The following GPC5 variants were observed in gnomAD, a reference collection of about 807,000 sequenced individuals.
GPC5 encodes glypican 5.
In GPC5, 47 loss-of-function variants were observed where a neutral mutation model predicts 53.9. The observed-to-expected ratio is 0.87, with a 90% CI of 0.69 to 1.11. GPC5 has a LOEUF of 1.11. Ranked by LOEUF, GPC5 falls within the 50% of genes most tolerant of loss-of-function variation. The pLI, the probability that GPC5 is intolerant of heterozygous loss-of-function variation, is 0.00. For synonymous variants in GPC5, 286 were observed against 263.3 expected, an observed-to-expected ratio of 1.09 and a Z score of -0.84; for missense variants, 748 against 713.1, an observed-to-expected ratio of 1.05 and a Z score of -0.56.
At chr13:92,764,240 A>C (rs1875303457) in intron 7 of GPC5, among the ~76,000 whole-genome samples, 1 of 152,246 alleles carries the variant, frequency 6.6e-6, no homozygotes, top group South Asian at 2.1e-4. Context: ...AGGGCATAGT[A>C]GCAGACTGGC....
At chr13:91,866,949 C>T (rs1164603167) in intron 5 of GPC5, among the ~76,000 whole-genome samples, 1 of 152,168 alleles carries the variant, frequency 6.6e-6, no homozygotes, top group African/African-American at 2.4e-5. Flanking sequence ...GACGTGGTGG[C>T]TCAGGCCTGT....
At chr13:91,954,757 A>T (rs920163814) in intron 6 of GPC5, among the ~76,000 whole-genome samples, 1 of 152,086 alleles carries the variant, frequency 6.6e-6, no homozygotes, top group Non-Finnish European at 1.5e-5. Flanking sequence ...AATAAGACTG[A>T]TATCTAAAAA....
chr13:92,505,986 GA>G (rs768797920), intron 7 of GPC5, among the ~76,000 whole-genome samples: 1 of 152,112 alleles, frequency 6.6e-6, no homozygotes, highest in Non-Finnish European at 1.5e-5. Context: ...TAAAGAGATG[GA>G]AGGAGAGAAT....
intron 7 of GPC5, among the ~76,000 whole-genome samples, chr13:92,683,965 T>G (rs1887179704): frequency 6.6e-6 from 1 of 152,172 alleles, no homozygotes; most frequent in Non-Finnish European, 1.5e-5. Flanking sequence ...TGTTGTCCAG[T>G]ATATGGATTT....
At chr13:92,381,889 T>TATATGA (rs753025655) in intron 7 of GPC5, among the ~76,000 whole-genome samples, 2 of 122,178 alleles carry the variant, frequency 1.6e-5, no homozygotes. Context: ...ATTATATATA[T>TATATGA]TATATATAAT....
chr13:92,729,000 T>C (rs16947855), intron 7 of GPC5, among the ~76,000 whole-genome samples: 10,502 of 151,354 alleles, frequency 0.069, 509 homozygotes, highest in South Asian at 0.16. Context: ...CAGGATTCAA[T>C]ATTCATACTG....
In GPC5 at chr13:91,447,409, C is replaced by T. The variant is rs1304797704; in HGVS notation, c.164-1352C>T. On this transcript the variant is annotated intron_variant, in intron 1 of 7. Transcript: ENST00000377067. ...AACTTTAGGTAAGATAAGTGAAAAA[C>T]GATTGCCAAAATGTTACCTACTGTG... Among the ~76,000 whole-genome samples the T allele has an allele frequency of 2.0e-5, 3 of 149,774 alleles. No homozygotes were observed. In the Admixed American group the frequency reaches 2.0e-4, roughly 10 times the overall value.
chr13:91,770,179 C>T (rs2037595984), intron 5 of GPC5, among the ~76,000 whole-genome samples: 1 of 152,096 alleles, frequency 6.6e-6, no homozygotes, highest in African/African-American at 2.4e-5. Context: ...GGAATAAATA[C>T]ACTGGGCAAG....
chr13:92,324,083 T>C (rs1013157420), intron 7 of GPC5, among the ~76,000 whole-genome samples: 3 of 151,854 alleles, frequency 2.0e-5, no homozygotes, highest in Non-Finnish European at 4.4e-5. Context: ...TTTTTCTGGG[T>C]TTACTTAGTA....
At chr13:91,620,259 G>C (rs1421847615) in intron 2 of GPC5, among the ~76,000 whole-genome samples, 1 of 151,996 alleles carries the variant, frequency 6.6e-6, no homozygotes, top group Non-Finnish European at 1.5e-5. Flanking sequence ...TGATAGTACT[G>C]TTTTAGAGAT....
intron 7 of GPC5, among the ~76,000 whole-genome samples, chr13:92,455,491 C>T (rs2139403292): frequency 6.6e-6 from 1 of 152,130 alleles, no homozygotes; most frequent in East Asian, 1.9e-4. Flanking sequence ...TTGTAAACAA[C>T]TCTGGTGTAA....
chr13:92,092,552 T>G (rs896732239), intron 6 of GPC5, among the ~76,000 whole-genome samples: 1 of 152,182 alleles, frequency 6.6e-6, no homozygotes, highest in Non-Finnish European at 1.5e-5. Context: ...AAAATTATAT[T>G]TGGAATCTTA....
At chr13:92,659,883 C>G (rs997991310) in intron 7 of GPC5, among the ~76,000 whole-genome samples, 1 of 152,064 alleles carries the variant, frequency 6.6e-6, no homozygotes, top group African/African-American at 2.4e-5. Flanking sequence ...CGAGCATGTG[C>G]AAAACCCCTG....
chr13:92,302,220 TAAC>T (rs1403050725), intron 7 of GPC5, among the ~76,000 whole-genome samples: 4 of 152,096 alleles, frequency 2.6e-5, no homozygotes, highest in Non-Finnish European at 4.4e-5. Flanking sequence ...ATATTATACT[TAAC>T]AGTGATTTTT....
intron 7 of GPC5, among the ~76,000 whole-genome samples, chr13:92,733,629 T>C (rs1332195299): frequency 6.6e-6 from 1 of 151,770 alleles, no homozygotes; most frequent in Admixed American, 6.6e-5. Flanking sequence ...GAATTTTAAA[T>C]GTAAGGATTG....
intron 2 of GPC5, among the ~76,000 whole-genome samples, chr13:91,631,648 C>T (rs1336090321): frequency 2.6e-5 from 4 of 151,984 alleles, no homozygotes; most frequent in African/African-American, 9.7e-5. Flanking sequence ...CTTTATCTCC[C>T]TTTCTTTGCA....
chr13:91,727,961 T>A (rs897137252), intron 3 of GPC5, among the ~76,000 whole-genome samples: 2 of 152,146 alleles, frequency 1.3e-5, no homozygotes, highest in African/African-American at 4.8e-5. Flanking sequence ...ATAAATTATT[T>A]TTTAAAAAAC....
At chr13:92,003,039 A>T (rs1384669149) in intron 6 of GPC5, among the ~76,000 whole-genome samples, 1 of 152,170 alleles carries the variant, frequency 6.6e-6, no homozygotes, top group Non-Finnish European at 1.5e-5. Flanking sequence ...GGCCAGGCAC[A>T]GTGGCTCACT....
At chr13:92,062,694 C>A (rs1331766849) in intron 6 of GPC5, among the ~76,000 whole-genome samples, 1 of 151,888 alleles carries the variant, frequency 6.6e-6, no homozygotes, top group Non-Finnish European at 1.5e-5. Context: ...ATAATGTGGA[C>A]TATCTAGGTG....
Sources: allele counts gnomAD v4.1 joint callset (sites outside exome capture counted in the v4.1 genomes callset), GRCh38; gene constraint gnomAD v4.1.1; transcripts MANE v1.5; gene names NCBI Gene and HGNC (gene_info 2026-07-23, HGNC 2026-07-21).